The following CNTNAP4 variants were observed in gnomAD, a reference collection of about 807,000 sequenced individuals.
CNTNAP4 encodes the protein contactin associated protein family member 4.
A neutral mutation model predicts 148.4 loss-of-function variants in CNTNAP4; 98 were observed. The ratio of observed to expected loss-of-function variants is 0.66; its 90% CI spans 0.56 to 0.78. The LOEUF (loss-of-function observed/expected upper bound fraction) is 0.78, where lower values mean the gene tolerates loss of function less well. Among genes scored for constraint, CNTNAP4 ranks in the 30% least tolerant of loss-of-function variants. The pLI, the probability that CNTNAP4 is intolerant of heterozygous loss-of-function variation, is 0.00. For synonymous variants in CNTNAP4, 730 were observed against 565.1 expected, an observed-to-expected ratio of 1.29 and a Z score of -4.14; for missense variants, 1,935 against 1,565.6, an observed-to-expected ratio of 1.24 and a Z score of -3.98.
chr16:76,443,642 T>C (rs2080127224), intron 4 of CNTNAP4, among the ~76,000 whole-genome samples: 1 of 152,170 alleles, frequency 6.6e-6, no homozygotes, highest in Non-Finnish European at 1.5e-5. Flanking sequence ...AAGTATGATA[T>C]TGACTGTTAA....
intron 1 of CNTNAP4, among the ~76,000 whole-genome samples, chr16:76,288,280 G>A (rs1958970469): frequency 6.6e-6 from 1 of 152,088 alleles, no homozygotes; most frequent in Non-Finnish European, 1.5e-5. Flanking sequence ...CTCTAGCCAT[G>A]CAGAACAGTG....
intron 3 of CNTNAP4, among the ~76,000 whole-genome samples, chr16:76,394,751 C>A (rs7200274): frequency 4.6e-5 from 7 of 151,786 alleles, no homozygotes; most frequent in African/African-American, 1.5e-4. Context: ...CCAAAGAAGC[C>A]CTAGGCAATG....
intron 21 of CNTNAP4, among the ~76,000 whole-genome samples, chr16:76,552,652 A>G (rs915226587): frequency 1.3e-5 from 2 of 152,212 alleles, no homozygotes; most frequent in African/African-American, 4.8e-5. Context: ...AAGAAAAGAC[A>G]TAGGGGTATA....
intron 2 of CNTNAP4, among the ~76,000 whole-genome samples, chr16:76,345,246 C>T (rs539849710): frequency 2.6e-5 from 4 of 152,200 alleles, no homozygotes; most frequent in African/African-American, 9.6e-5. Flanking sequence ...TGGCTAGCTC[C>T]CAGCCAGACC....
At chr16:76,399,397 T>C (rs896577501) in intron 3 of CNTNAP4, among the ~76,000 whole-genome samples, 2 of 152,214 alleles carry the variant, frequency 1.3e-5, no homozygotes, top group African/African-American at 4.8e-5. Context: ...AAAATAGTTA[T>C]TTGTTTTTAT....
intron 3 of CNTNAP4, among the ~76,000 whole-genome samples, chr16:76,408,363 C>T (rs564595833): frequency 1.3e-3 from 189 of 141,852 alleles, no homozygotes; most frequent in African/African-American, 5.7e-3. Context: ...TAACAATTAA[C>T]AGTTGTTAAT....
In CNTNAP4 at chr16:76,502,267, G is replaced by T. The variant is rs372850359; in HGVS notation, c.2365+3573G>T. ...CTAAGGACTATTTTCTGCATGAAGCGTTCTTTATTTTCTCAGTTGGATGAG... is the reference window on the plus strand; with the variant it reads ...CTAAGGACTATTTTCTGCATGAAGCTTTCTTTATTTTCTCAGTTGGATGAG... On this transcript the variant is annotated intron_variant, in intron 15 of 23. Coordinates refer to ENST00000611870, the MANE Select transcript of CNTNAP4 (RefSeq NM_033401.5). Among the ~76,000 whole-genome samples, 430 of 152,018 alleles carry T rather than the reference G, an allele frequency of 2.8e-3. 3 individuals are homozygous for T. The highest frequency in any genetic ancestry group is 0.015 in the South Asian group (70 of 4,826).
chr16:76,483,259 C>T (rs2081908182), intron 12 of CNTNAP4, among the ~76,000 whole-genome samples: 1 of 151,648 alleles, frequency 6.6e-6, no homozygotes, highest in South Asian at 2.1e-4. Flanking sequence ...CACACACACA[C>T]ACACACACAC....
At chr16:76,540,602 A>G (rs1418445770) in intron 20 of CNTNAP4, 101 bp from the exon 21 acceptor site, 3 of 767,868 alleles carry the variant, frequency 3.9e-6, no homozygotes, top group Non-Finnish European at 6.1e-6. Flanking sequence ...CATGCTAACA[A>G]CTGCTTAATG....
At chr16:76,402,322 AG>A (rs2078447022) in intron 3 of CNTNAP4, among the ~76,000 whole-genome samples, 1 of 150,350 alleles carries the variant, frequency 6.7e-6, no homozygotes. Context: ...GCGTATGTAG[AG>A]GTGTTCAGAG....
chr16:76,289,563 A>G (rs2143815280), intron 1 of CNTNAP4, among the ~76,000 whole-genome samples: 1 of 149,070 alleles, frequency 6.7e-6, no homozygotes, highest in Non-Finnish European at 1.5e-5. Context: ...ATGAGTTCCA[A>G]ACTTTTATTT....
At chr16:76,547,287 G>A (rs796194390) in intron 21 of CNTNAP4, among the ~76,000 whole-genome samples, 18 of 152,170 alleles carry the variant, frequency 1.2e-4, no homozygotes, top group African/African-American at 4.1e-4. Flanking sequence ...AAGAGAGATC[G>A]CAATTAAGAT....
chr16:76,558,663 C>A lies in CNTNAP4; in HGVS notation c.3907C>A (p.Gln1303Lys). Residue 1303 changes from glutamine (Q) to lysine (K), a missense_variant, in exon 24 of 24, where the codon CAG (glutamine) becomes AAG (lysine). Coordinates refer to ENST00000611870, the MANE Select transcript of CNTNAP4 (RefSeq NM_033401.5). ...TATACAAAATGCAGTCAATGAAAAT[C>A]AGAAAGAGTACTTCTTCTGATTGGC... ...LNIQNAVNEN[Q>K]KEYFF 6.2e-7 allele frequency: 1 copy of A among 1,608,860 alleles called. No homozygotes were observed. The highest frequency in any genetic ancestry group is 1.1e-5 in the South Asian group (1 of 89,890).
intron 4 of CNTNAP4, among the ~76,000 whole-genome samples, chr16:76,440,856 T>C (rs2080010795): frequency 6.6e-6 from 1 of 152,114 alleles, no homozygotes; most frequent in Non-Finnish European, 1.5e-5. Flanking sequence ...GAGGAGGACA[T>C]TGCTTTTTCA....
At chr16:76,554,605 C>T (rs929282250) in intron 23 of CNTNAP4, among the ~76,000 whole-genome samples, 40 of 151,718 alleles carry the variant, frequency 2.6e-4, no homozygotes, top group Non-Finnish European at 8.8e-5. Context: ...GATTAATGCT[C>T]TTAAGAATGT....
At chr16:76,526,937 G>A (rs1472435283) in intron 17 of CNTNAP4, among the ~76,000 whole-genome samples, 1 of 152,146 alleles carries the variant, frequency 6.6e-6, no homozygotes, top group Non-Finnish European at 1.5e-5. Flanking sequence ...GCCTCCCAAA[G>A]TGCTGGGATT....
chr16:76,448,199 T>C lies in CNTNAP4; in HGVS notation c.726T>C (p.Phe242=). 6.2e-7 allele frequency: 1 copy of C among 1,610,636 alleles called. No individual in the cohort carries two copies. Among genetic ancestry groups the C allele is most frequent in the Non-Finnish European group, 8.5e-7 (1 of 1,177,740 alleles). Residue 242 remains phenylalanine (F), a synonymous_variant, in exon 5 of 24, where the codon TTT becomes TTC. Transcript: ENST00000611870. ...TGCAATTAAGAAGAGCAAGACTCTT[T>C]TTACTTATTAATTCAGGTAAAACTA... ...ITLQLRRARL[F]LLINSGEAKL...
Position 76,340,698 on chromosome 16 carries a change from GACTT to G in CNTNAP4, c.197-14615_197-14612del, listed in dbSNP as rs560474301. On this transcript the variant is annotated intron_variant, in intron 2 of 23. Coordinates refer to ENST00000611870, the MANE Select transcript of CNTNAP4 (RefSeq NM_033401.5). ...AGCATGCAAACATCAGGAAGGCAGA[GACTT>G]ACTTCTGTTTTGCTCACTTTCGTGG... 1.1e-3 allele frequency among the ~76,000 whole-genome samples: 160 copies of G among 152,316 alleles called. 1 individual carries two copies. Among genetic ancestry groups the G allele is most frequent in the Non-Finnish European group, 1.8e-3 (120 of 68,028 alleles).
chr16:76,334,818 G>A (rs112270382), intron 2 of CNTNAP4, among the ~76,000 whole-genome samples: 1 of 151,940 alleles, frequency 6.6e-6, no homozygotes, highest in South Asian at 2.1e-4. Flanking sequence ...TTCAATATGA[G>A]AGCTACTTAT....
Sources: gnomAD v4.1 joint callset for allele counts (sites outside exome capture counted in the v4.1 genomes callset) on GRCh38, gnomAD v4.1.1 for gene constraint, MANE v1.5 for transcripts, NCBI Gene and HGNC (gene_info 2026-07-23, HGNC 2026-07-21) for gene names.